Variants in CSNK2A2IP observed in about 807,000 individuals in gnomAD.
CSNK2A2IP encodes the protein casein kinase II subunit alpha'-interacting protein.
At chr3:88,391,664 G>A in the CSNK2A2IP span, among the ~76,000 whole-genome samples, 1 of 152,160 alleles carries the variant, frequency 6.6e-6, no homozygotes, top group East Asian at 1.9e-4. Context: ...CAGGGGCCAA[G>A]AACCAGAGGC....
chr3:88,435,064 G>A, the CSNK2A2IP span, among the ~76,000 whole-genome samples: 31 of 152,246 alleles, frequency 2.0e-4, no homozygotes, highest in Admixed American at 8.5e-4. Context: ...GAAGGGTGAT[G>A]GGCAGGAGAG....
At chr3:88,454,658 T>C in the CSNK2A2IP span, among the ~76,000 whole-genome samples, 1 of 151,950 alleles carries the variant, frequency 6.6e-6, no homozygotes, top group Non-Finnish European at 1.5e-5. Flanking sequence ...TTTATTGATG[T>C]ATAATTGATA....
chr3:88,383,651 C>CTTTTTTTTT, the CSNK2A2IP span, among the ~76,000 whole-genome samples: 12 of 88,536 alleles, frequency 1.4e-4, no homozygotes, highest in African/African-American at 5.1e-4. Flanking sequence ...TCTTTTCTTT[C>CTTTTTTTTT]TTTTTTTTTT....
chr3:88,452,795 G>A, the CSNK2A2IP span, among the ~76,000 whole-genome samples: 1 of 152,048 alleles, frequency 6.6e-6, no homozygotes, highest in Non-Finnish European at 1.5e-5. Context: ...TAGCTTACAA[G>A]ATTGGTTAGC....
the CSNK2A2IP span, among the ~76,000 whole-genome samples, chr3:88,354,239 T>C: frequency 6.6e-6 from 1 of 152,216 alleles, no homozygotes; most frequent in Non-Finnish European, 1.5e-5. Flanking sequence ...TATTCTTTTA[T>C]GGCAACACAA....
the CSNK2A2IP span, among the ~76,000 whole-genome samples, chr3:88,439,812 T>C: frequency 2.0e-3 from 306 of 152,070 alleles, 1 homozygote; most frequent in Non-Finnish European, 2.9e-3. Flanking sequence ...TTCAGTACTT[T>C]AAAAAATTTT....
chr3:88,396,273 T>G, the CSNK2A2IP span, among the ~76,000 whole-genome samples: 1 of 151,342 alleles, frequency 6.6e-6, no homozygotes, highest in African/African-American at 2.4e-5. Flanking sequence ...GCCCGGCTAA[T>G]TTTTTGTATT....
chr3:88,350,032 C>G, the CSNK2A2IP span, among the ~76,000 whole-genome samples: 1 of 152,060 alleles, frequency 6.6e-6, no homozygotes. Context: ...CTTCTTGTCA[C>G]CACTGCTCAA....
the CSNK2A2IP span, among the ~76,000 whole-genome samples, chr3:88,404,532 C>T: frequency 6.6e-6 from 1 of 152,084 alleles, no homozygotes; most frequent in Non-Finnish European, 1.5e-5. Context: ...ATCTGTTTAA[C>T]ACCTCAGTCC....
chr3:88,406,052 T>A, the CSNK2A2IP span, among the ~76,000 whole-genome samples: 1 of 152,108 alleles, frequency 6.6e-6, no homozygotes, highest in Non-Finnish European at 1.5e-5. Flanking sequence ...TTTCATAAAA[T>A]AAAAAATATA....
the CSNK2A2IP span, among the ~76,000 whole-genome samples, chr3:88,352,538 AAAG>A: frequency 1.3e-5 from 2 of 152,122 alleles, no homozygotes; most frequent in East Asian, 3.8e-4. Context: ...AAGACTAAAA[AAAG>A]AAATATTGAA....
the CSNK2A2IP span, among the ~76,000 whole-genome samples, chr3:88,374,762 G>A: frequency 9.2e-4 from 139 of 151,624 alleles, 1 homozygote; most frequent in African/African-American, 3.1e-3. Context: ...CTGACTTTAG[G>A]CTTCTAAAAC....
the CSNK2A2IP span, among the ~76,000 whole-genome samples, chr3:88,359,348 AT>A: frequency 2.5e-4 from 37 of 150,750 alleles, 1 homozygote; most frequent in Middle Eastern, 6.4e-3. Context: ...TATCTTTTGT[AT>A]TTTTTTGGTT....
At chr3:88,369,017 T>A in the CSNK2A2IP span, among the ~76,000 whole-genome samples, 1 of 152,026 alleles carries the variant, frequency 6.6e-6, no homozygotes, top group Non-Finnish European at 1.5e-5. Flanking sequence ...CATCTAGGTA[T>A]GACTGAGAAG....
chr3:88,409,099 G>C, the CSNK2A2IP span, among the ~76,000 whole-genome samples: 1 of 151,940 alleles, frequency 6.6e-6, no homozygotes, highest in Non-Finnish European at 1.5e-5. Flanking sequence ...GATCCCCTTC[G>C]GTGTCAAGTG....
the CSNK2A2IP span, among the ~76,000 whole-genome samples, chr3:88,459,217 G>A: frequency 0.38 from 56,981 of 151,884 alleles, 11,204 homozygotes; most frequent in East Asian, 0.69. Context: ...TTCCTGGATT[G>A]CTAGGCATTT....
chr3:88,420,143 C>T, the CSNK2A2IP span, among the ~76,000 whole-genome samples: 3 of 152,106 alleles, frequency 2.0e-5, no homozygotes, highest in Admixed American at 1.3e-4. Flanking sequence ...AGCTAAGGAT[C>T]GGAATAGCTG....
chr3:88,429,059 A>G, the CSNK2A2IP span, among the ~76,000 whole-genome samples: 2 of 123,908 alleles, frequency 1.6e-5, no homozygotes, highest in South Asian at 2.4e-4. Context: ...AATTCTTTTA[A>G]CAATCTCAGT....
chr3:88,373,599 A>C, the CSNK2A2IP span, among the ~76,000 whole-genome samples: 75 of 28,490 alleles, frequency 2.6e-3, no homozygotes, highest in South Asian at 0.065. Flanking sequence ...AAATGTAATG[A>C]AAGTAAAAAA....
Sources: allele counts gnomAD v4.1 joint callset (sites outside exome capture counted in the v4.1 genomes callset), GRCh38; gene constraint gnomAD v4.1.1; transcripts MANE v1.5; gene names NCBI Gene and HGNC (gene_info 2026-07-23, HGNC 2026-07-21).